Variants in LRRTM4 observed in about 807,000 individuals in gnomAD.
LRRTM4 encodes the protein leucine-rich repeat transmembrane neuronal protein 4.
Under a neutral mutation model 47.6 loss-of-function variants are expected in LRRTM4, and 25 were observed. The observed-to-expected ratio is 0.53, with a 90% CI of 0.38 to 0.73. The LOEUF (loss-of-function observed/expected upper bound fraction) is 0.73. LRRTM4 is among the 30% of genes least tolerant of loss of function. The probability of loss-of-function intolerance (pLI) is 0.00; values close to 1 mark genes in which losing one functional copy is unlikely to be tolerated. For missense variants in LRRTM4, 638 were observed against 713.4 expected (o/e 0.89, Z 1.20); for synonymous variants, 311 against 269.5 (o/e 1.15, Z -1.51).
chr2:77,120,875 C>T lies in LRRTM4; in HGVS notation c.1552-371959G>A, dbSNP rs142482423. ...TCTACCAACATTTCTTGTTCTCTGA[C>T]AATCTGAGAACATATAATTTAATTT... On this transcript the variant is annotated intron_variant, in intron 3 of 3. Coordinates refer to ENST00000409884, the MANE Select transcript of LRRTM4 (RefSeq NM_001134745.3). Among the ~76,000 whole-genome samples, 287 of 151,882 alleles carry T rather than the reference C, an allele frequency of 1.9e-3. 2 individuals carry two copies. The highest frequency in any genetic ancestry group is 6.5e-3 in the African/African-American group (271 of 41,504).
chr2:76,786,137 T>C (rs767251705), intron 3 of LRRTM4, among the ~76,000 whole-genome samples: 3 of 152,150 alleles, frequency 2.0e-5, no homozygotes, highest in African/African-American at 4.8e-5. Flanking sequence ...TTTGCCATAA[T>C]TGATAGGAAA....
At position 76,882,131 on chromosome 2, in the gene LRRTM4, T is replaced by A. The variant is rs145999797; in HGVS notation, c.1552-133215A>T. Among the ~76,000 whole-genome samples the A allele has an allele frequency of 3.8e-3, 575 of 152,296 alleles. 1 individual carries two copies. Among genetic ancestry groups the A allele is most frequent in the African/African-American group, 0.013 (551 of 41,560 alleles). ...GTTCAGAAGTTCATGCCAGAGAATTTCAGGCTAAGTTTTGTCTATAAAAGA... is the reference window on the plus strand; with the variant it reads ...GTTCAGAAGTTCATGCCAGAGAATTACAGGCTAAGTTTTGTCTATAAAAGA... On this transcript the variant is annotated intron_variant, in intron 3 of 3. Transcript: ENST00000409884.
At chr2:77,306,301 G>A (rs181991453) in intron 3 of LRRTM4, among the ~76,000 whole-genome samples, 150 of 152,248 alleles carry the variant, frequency 9.9e-4, no homozygotes, top group African/African-American at 3.4e-3. Flanking sequence ...CATCTAAAAT[G>A]TCATTGAACA....
At chr2:77,209,356 C>T (rs950378957) in intron 3 of LRRTM4, among the ~76,000 whole-genome samples, 1 of 150,984 alleles carries the variant, frequency 6.6e-6, no homozygotes, top group African/African-American at 2.4e-5. Context: ...AATGTGAAGA[C>T]ATATGGACCA....
chr2:77,389,036 T>C (rs1490961064), intron 3 of LRRTM4, among the ~76,000 whole-genome samples: 1 of 152,060 alleles, frequency 6.6e-6, no homozygotes, highest in Non-Finnish European at 1.5e-5. Flanking sequence ...ATGGAGGATT[T>C]TCCATAATGT....
At chr2:77,187,381 G>T (rs4369888) in intron 3 of LRRTM4, among the ~76,000 whole-genome samples, 1 of 151,018 alleles carries the variant, frequency 6.6e-6, no homozygotes, top group South Asian at 2.1e-4. Flanking sequence ...ACAGAATCAA[G>T]GTGGAAGAGC....
At chr2:76,780,983 G>C (rs565365184) in intron 3 of LRRTM4, among the ~76,000 whole-genome samples, 51 of 152,198 alleles carry the variant, frequency 3.4e-4, no homozygotes, top group African/African-American at 1.2e-3. Flanking sequence ...CTAACAGAGA[G>C]GACCCTCAGC....
chr2:76,894,249 G>A (rs145979126), intron 3 of LRRTM4, among the ~76,000 whole-genome samples: 1 of 151,988 alleles, frequency 6.6e-6, no homozygotes, highest in South Asian at 2.1e-4. Context: ...TCATGCACAT[G>A]CTAGAAAACC....
intron 3 of LRRTM4, among the ~76,000 whole-genome samples, chr2:77,230,850 G>GA (rs997872393): frequency 1.3e-5 from 2 of 151,812 alleles, no homozygotes. Context: ...TTAACAATAA[G>GA]AAAAAAATAA....
intron 3 of LRRTM4, among the ~76,000 whole-genome samples, chr2:77,459,829 C>T (rs555736326): frequency 4.6e-5 from 7 of 151,516 alleles, no homozygotes; most frequent in Non-Finnish European, 1.0e-4. Context: ...AACACCTTAC[C>T]ATCAAGCTGG....
At chr2:77,160,383 A>C (rs1672678963) in intron 3 of LRRTM4, among the ~76,000 whole-genome samples, 1 of 152,082 alleles carries the variant, frequency 6.6e-6, no homozygotes, top group South Asian at 2.1e-4. Flanking sequence ...AAAGGTCCTT[A>C]TGATCTTCTG....
chr2:77,184,182 A>C (rs1673435464), intron 3 of LRRTM4, among the ~76,000 whole-genome samples: 2 of 152,144 alleles, frequency 1.3e-5, no homozygotes, highest in African/African-American at 4.8e-5. Context: ...AAAATATTTC[A>C]ACAATATTTT....
In LRRTM4 at chr2:77,212,939, C is replaced by T. The variant is rs182739705; in HGVS notation, c.1551+305379G>A. 2.1e-3 allele frequency among the ~76,000 whole-genome samples: 312 copies of T among 152,142 alleles called. 2 individuals are homozygous for T. The highest frequency in any genetic ancestry group is 7.1e-3 in the African/African-American group (295 of 41,502). Reference sequence around the variant, plus strand: ...ACATAAAGTCTTATTTCTTTGTACCCACTGATCACATAATGAACTTCACTG... The same window carrying T: ...ACATAAAGTCTTATTTCTTTGTACCTACTGATCACATAATGAACTTCACTG... On this transcript the variant is annotated intron_variant, in intron 3 of 3. Coordinates refer to ENST00000409884, the MANE Select transcript of LRRTM4 (RefSeq NM_001134745.3).
At chr2:76,791,081 T>C (rs1674946089) in intron 3 of LRRTM4, among the ~76,000 whole-genome samples, 1 of 152,186 alleles carries the variant, frequency 6.6e-6, no homozygotes, top group Non-Finnish European at 1.5e-5. Flanking sequence ...CTTTGATGGC[T>C]TCACAGGATC....
chr2:76,844,874 C>A (rs1038065404), intron 3 of LRRTM4, among the ~76,000 whole-genome samples: 14 of 152,034 alleles, frequency 9.2e-5, no homozygotes, highest in African/African-American at 3.4e-4. Flanking sequence ...AGAATATATT[C>A]TCTTCATTTT....
At chr2:77,205,459 A>G (rs1424543078) in intron 3 of LRRTM4, among the ~76,000 whole-genome samples, 2 of 152,168 alleles carry the variant, frequency 1.3e-5, no homozygotes, top group Non-Finnish European at 2.9e-5. Flanking sequence ...AAGAGCTGGC[A>G]CTACTAAGAT....
intron 3 of LRRTM4, among the ~76,000 whole-genome samples, chr2:77,208,467 G>C (rs1228300413): frequency 1.3e-5 from 2 of 152,194 alleles, no homozygotes; most frequent in Non-Finnish European, 2.9e-5. Context: ...AAGATGGTAG[G>C]AGGAATGATA....
intron 3 of LRRTM4, among the ~76,000 whole-genome samples, chr2:76,940,841 C>CA (rs1469034325): frequency 6.6e-6 from 1 of 151,990 alleles, no homozygotes; most frequent in Admixed American, 6.5e-5. Context: ...TTAGTCCTTG[C>CA]AAAAAAATCA....
In LRRTM4 at chr2:76,805,415, C is replaced by A. The variant is rs2103791214; in HGVS notation, c.1552-56499G>T. On this transcript the variant is annotated intron_variant, in intron 3 of 3. Coordinates refer to ENST00000409884, the MANE Select transcript of LRRTM4 (RefSeq NM_001134745.3). ...AAACTATCATTTTATATAAAGGTGA[C>A]AAAAGAGGTTCTGAAATATTCAGGG... Among the ~76,000 whole-genome samples the A allele has an allele frequency of 1.3e-5, 2 of 152,096 alleles. 1 individual carries two copies. The highest frequency in any genetic ancestry group is 4.2e-4 in the South Asian group (2 of 4,816).
Sources: gnomAD v4.1 joint callset for allele counts (sites outside exome capture counted in the v4.1 genomes callset) on GRCh38, gnomAD v4.1.1 for gene constraint, MANE v1.5 for transcripts, NCBI Gene and HGNC (gene_info 2026-07-23, HGNC 2026-07-21) for gene names.